Variants in RPS18 observed in about 807,000 individuals in gnomAD.
RPS18 encodes the protein ribosomal protein S18.
For synonymous variants in RPS18, 64 were observed against 70.9 expected, an observed-to-expected ratio of 0.90 and a Z score of 0.49; for missense variants, 49 against 200.8, an observed-to-expected ratio of 0.24 and a Z score of 4.57.
At position 33,272,126 on chromosome 6, in the gene RPS18, A is replaced by G. The variant is rs769355977; in HGVS notation, c.3+4A>G. On this transcript the variant is annotated splice_donor_region_variant and intron_variant, in intron 1 of 5. Transcript: ENST00000439602. Reference sequence around the variant, plus strand: ...CGCCGCTTGTGCTGCAGCCATGGTAAGACTGGAATCCGTGCCGTGATCCAG... The same window carrying G: ...CGCCGCTTGTGCTGCAGCCATGGTAGGACTGGAATCCGTGCCGTGATCCAG... The G allele has an allele frequency of 6.4e-7, 1 of 1,567,372 alleles. No homozygotes were observed. Among genetic ancestry groups the G allele is most frequent in the East Asian group, 2.4e-5 (1 of 42,388 alleles).
At chr6:33,273,908 G>A (rs980316001) in intron 2 of RPS18, among the ~76,000 whole-genome samples, 10 of 125,206 alleles carry the variant, frequency 8.0e-5, no homozygotes, top group African/African-American at 2.9e-4. Context: ...TAATAAATTT[G>A]AAAGACCCTG....
At chr6:33,272,173 G>A (rs1765232461) in intron 1 of RPS18, 51 bp downstream of exon 1, 3 of 1,551,602 alleles carry the variant, frequency 1.9e-6, no homozygotes, top group Non-Finnish European at 2.6e-6. Flanking sequence ...CTCGGGCAAG[G>A]AAAGCCGGCT....
At chr6:33,272,315 G>A in intron 1 of RPS18, 193 bp downstream of exon 1, 2 of 669,776 alleles carry the variant, frequency 3.0e-6, no homozygotes, top group Non-Finnish European at 2.6e-6. Context: ...TCACTGCTCG[G>A]GCGCACGAAA....
At chr6:33,276,140 G>A (rs1316013800) in intron 4 of RPS18, 36 bp from the exon 5 acceptor site, 13 of 1,609,932 alleles carry the variant, frequency 8.1e-6, no homozygotes, top group Non-Finnish European at 1.0e-5. Flanking sequence ...GGAGGTCAGG[G>A]GATAAAACAT....
chr6:33,276,140 G>GGA, intron 4 of RPS18, 36 bp from the exon 5 acceptor site: 1 of 1,609,932 alleles, frequency 6.2e-7, no homozygotes, highest in Non-Finnish European at 8.5e-7. Context: ...GGAGGTCAGG[G>GGA]GATAAAACAT....
chr6:33,275,662 G>A (rs1765580338), intron 2 of RPS18, 135 bp from the exon 3 acceptor site: 1 of 724,118 alleles, frequency 1.4e-6, no homozygotes, highest in Admixed American at 2.0e-5. Flanking sequence ...GGAAAGGTGG[G>A]TGAGGAAAGG....
intron 2 of RPS18, among the ~76,000 whole-genome samples, chr6:33,274,554 C>T (rs1041445917): frequency 3.3e-4 from 51 of 152,278 alleles, no homozygotes; most frequent in African/African-American, 1.2e-3. Context: ...GTAACAAGTT[C>T]ATATAAACTA....
chr6:33,274,357 T>C (rs1364778030), intron 2 of RPS18, among the ~76,000 whole-genome samples: 1 of 152,170 alleles, frequency 6.6e-6, no homozygotes, highest in Non-Finnish European at 1.5e-5. Flanking sequence ...CCACCACATC[T>C]GGCTAATCTG....
At position 33,276,166 on chromosome 6, in the gene RPS18, C is replaced by G; in HGVS notation, c.292-10C>G. On this transcript the variant is annotated splice_polypyrimidine_tract_variant and intron_variant, in intron 4 of 5. Transcript: ENST00000439602. ...GATAAAACATCCCTTGCCCCCTCCT[C>G]TGAATCCAGGTCCTAGCCAATGGTC... is the stretch of plus-strand genomic sequence containing the variant. 6.2e-7 allele frequency: 1 copy of G among 1,613,984 alleles called. No homozygotes were observed. The highest frequency in any genetic ancestry group is 1.1e-5 in the South Asian group (1 of 91,082).
intron 2 of RPS18, 120 bp downstream of exon 2, chr6:33,272,846 A>G (rs1765326548): frequency 7.1e-6 from 5 of 707,426 alleles, no homozygotes; most frequent in Non-Finnish European, 1.3e-5. Context: ...TGACTGCTGG[A>G]TTAAGAAAAG....
intron 1 of RPS18, 67 bp downstream of exon 1, chr6:33,272,189 G>A (rs915140259): frequency 6.5e-7 from 1 of 1,542,638 alleles, no homozygotes; most frequent in African/African-American, 1.4e-5. Flanking sequence ...CGGCTGTCAG[G>A]GTTCTGGAAA....
intron 5 of RPS18, 29 bp downstream of exon 5, chr6:33,276,296 A>C (rs374462602): frequency 2.7e-5 from 43 of 1,606,958 alleles, no homozygotes; most frequent in Non-Finnish European, 3.6e-5. Flanking sequence ...CTCCCTGCCT[A>C]CCTCGACTCA....
At chr6:33,272,857 A>G in intron 2 of RPS18, 131 bp downstream of exon 2, 1 of 683,702 alleles carries the variant, frequency 1.5e-6, no homozygotes, top group East Asian at 2.6e-5. Flanking sequence ...TTAAGAAAAG[A>G]AAGTGGTTTA....
At position 33,275,546 on chromosome 6, in the gene RPS18, G is replaced by A. The variant is rs569458523; in HGVS notation, c.103-251G>A. 9.5e-6 allele frequency: 5 copies of A among 523,568 alleles called. No homozygotes were observed. In the East Asian group the frequency reaches 1.7e-4, roughly 18 times the overall value. 32.4% of individuals were successfully genotyped at this position (523,568 alleles called of 1,614,324 possible). A position where few individuals can be genotyped will look rare whatever the true frequency, so the allele number is the denominator to read the frequency against. On this transcript the variant is annotated intron_variant, in intron 2 of 5. Transcript: ENST00000439602. The stretch of plus-strand genomic sequence containing the variant: ...TTGGCCAGGCTGGTTTTGAACTCCT[G>A]CCCTCAATGTCATCTGCCCACTTGG...
chr6:33,272,589 T>G (rs2150873611), intron 1 of RPS18, 39 bp from the exon 2 acceptor site: 1 of 895,476 alleles, frequency 1.1e-6, no homozygotes. Flanking sequence ...TTTGATAGTT[T>G]ACTGTGTCTG....
Position 33,272,581 on chromosome 6 carries a change from T to A in RPS18, c.4-47T>A, listed in dbSNP as rs767261374. The stretch of plus-strand genomic sequence containing the variant: ...CGTTTGCCTTATCGGCCTTACTGTT[T>A]GATAGTTTACTGTGTCTGATTTCTT... On this transcript the variant is annotated intron_variant, in intron 1 of 5. Coordinates refer to ENST00000439602, the MANE Select transcript of RPS18 (RefSeq NM_022551.3). 6 of 870,998 alleles carry A rather than the reference T, an allele frequency of 6.9e-6. No homozygotes were observed. In the East Asian group the frequency reaches 1.4e-4, roughly 21 times the overall value. The allele number at this position is 870,998 out of a possible 1,614,324, so 54.0% of individuals were successfully genotyped here. A position where few individuals can be genotyped will look rare whatever the true frequency, so the allele number is the denominator to read the frequency against.
At position 33,276,237 on chromosome 6, in the gene RPS18, G is replaced by A; in HGVS notation, c.353G>A (p.Arg118Gln). Residue 118 changes from arginine (R) to glutamine (Q), a missense_variant, in exon 5 of 6, where the codon CGG (arginine) becomes CAG (glutamine). Arg to Gln is a conservative substitution (Grantham distance 43). Transcript: ENST00000439602. Reference sequence around the variant, plus strand: ...GACCTGGAGCGACTGAAGAAGATTCGGGCCCATAGAGGGCTGCGTCACTTC... The same window carrying A: ...GACCTGGAGCGACTGAAGAAGATTCAGGCCCATAGAGGGCTGCGTCACTTC... The part of the protein sequence containing the change: ...REDLERLKKI[R>Q]AHRGLRHFWG... 6.2e-7 allele frequency: 1 copy of A among 1,614,086 alleles called. No individual in the cohort carries two copies. Among genetic ancestry groups the A allele is most frequent in the Non-Finnish European group, 8.5e-7 (1 of 1,180,014 alleles).
intron 2 of RPS18, among the ~76,000 whole-genome samples, chr6:33,273,911 AGACCCTGCTCTC>A (rs1765458000): frequency 1.4e-5 from 2 of 141,772 alleles, no homozygotes; most frequent in East Asian, 4.3e-4. Context: ...TAAATTTGAA[AGACCCTGCTCTC>A]TTCTGAATCA....
At chr6:33,276,339 A>C in intron 5 of RPS18, 52 bp from the exon 6 acceptor site, 2 of 1,607,996 alleles carry the variant, frequency 1.2e-6, no homozygotes, top group Non-Finnish European at 1.7e-6. Context: ...TTTTTCCCCA[A>C]CCTTTTGTTT....
Sources: gnomAD v4.1 joint callset for allele counts (sites outside exome capture counted in the v4.1 genomes callset) on GRCh38, gnomAD v4.1.1 for gene constraint, MANE v1.5 for transcripts, NCBI Gene and HGNC (gene_info 2026-07-23, HGNC 2026-07-21) for gene names.